Variants in CA10 observed in about 807,000 individuals in gnomAD.
CA10 encodes carbonic anhydrase-related protein 10.
A neutral mutation model predicts 44.2 loss-of-function variants in CA10; 14 were observed. The ratio of observed to expected loss-of-function variants is 0.32; its 90% CI spans 0.21 to 0.50. The LOEUF (loss-of-function observed/expected upper bound fraction) is 0.50, where lower values mean the gene tolerates loss of function less well. Among genes scored for constraint, CA10 ranks in the 20% least tolerant of loss-of-function variants. CA10 has a pLI of 0.99. For missense variants in CA10, 350 were observed against 409.7 expected (o/e 0.85, Z 1.26); for synonymous variants, 159 against 141.6 (o/e 1.12, Z -0.87).
At chr17:51,810,704 C>A (rs1285994932) in intron 3 of CA10, among the ~76,000 whole-genome samples, 1 of 152,104 alleles carries the variant, frequency 6.6e-6, no homozygotes, top group Admixed American at 6.6e-5. Flanking sequence ...TAAAAAAATT[C>A]AGCAGTATGG....
chr17:52,034,145 T>A (rs1241905143), intron 2 of CA10, among the ~76,000 whole-genome samples: 1 of 152,198 alleles, frequency 6.6e-6, no homozygotes, highest in Non-Finnish European at 1.5e-5. Flanking sequence ...CAGTATTGTA[T>A]TGTATACTTA....
intron 3 of CA10, among the ~76,000 whole-genome samples, chr17:51,859,438 T>G (rs894340544): frequency 1.3e-5 from 2 of 152,170 alleles, no homozygotes; most frequent in African/African-American, 4.8e-5. Flanking sequence ...TTCCCTCATA[T>G]TGGAATTACT....
chr17:51,869,380 TG>T, intron 3 of CA10, among the ~76,000 whole-genome samples: 1 of 152,186 alleles, frequency 6.6e-6, no homozygotes, highest in Non-Finnish European at 1.5e-5. Context: ...CACTTTGTGC[TG>T]GGGGCTGAGT....
At chr17:51,683,010 G>A (rs189416978) in intron 4 of CA10, among the ~76,000 whole-genome samples, 4 of 152,260 alleles carry the variant, frequency 2.6e-5, no homozygotes, top group African/African-American at 7.2e-5. Context: ...CTACTGTCTG[G>A]GGAAACATGA....
intron 3 of CA10, among the ~76,000 whole-genome samples, chr17:51,796,007 G>T (rs1321505448): frequency 6.6e-6 from 1 of 152,236 alleles, no homozygotes; most frequent in Non-Finnish European, 1.5e-5. Flanking sequence ...ATAGAACGGG[G>T]CTTGCAGTCT....
chr17:51,765,162 G>A (rs117476676), intron 3 of CA10, among the ~76,000 whole-genome samples: 2,301 of 152,200 alleles, frequency 0.015, 42 homozygotes, highest in Middle Eastern at 0.041. Flanking sequence ...GGGGAGAAGG[G>A]GTGGGAAGCA....
At chr17:51,691,239 A>C (rs192168003) in intron 4 of CA10, among the ~76,000 whole-genome samples, 22 of 152,028 alleles carry the variant, frequency 1.4e-4, no homozygotes, top group African/African-American at 5.3e-4. Flanking sequence ...ATTCTCCAAC[A>C]CTTGTTATGT....
At chr17:51,850,030 G>A (rs1487973170) in intron 3 of CA10, among the ~76,000 whole-genome samples, 1 of 152,212 alleles carries the variant, frequency 6.6e-6, no homozygotes, top group Non-Finnish European at 1.5e-5. Flanking sequence ...TACACATGCT[G>A]TAAGCAGGGA....
At chr17:51,743,414 T>C (rs1479643185) in intron 4 of CA10, among the ~76,000 whole-genome samples, 1 of 152,256 alleles carries the variant, frequency 6.6e-6, no homozygotes, top group East Asian at 1.9e-4. Context: ...AAACAGTTCA[T>C]TTTTCCTTCT....
intron 3 of CA10, among the ~76,000 whole-genome samples, chr17:51,893,171 T>G (rs1980932319): frequency 6.6e-6 from 1 of 152,068 alleles, no homozygotes; most frequent in Non-Finnish European, 1.5e-5. Context: ...ATATGTGATA[T>G]CCTAACGAAA....
At chr17:51,689,274 A>T (rs572518439) in intron 4 of CA10, among the ~76,000 whole-genome samples, 8 of 152,358 alleles carry the variant, frequency 5.3e-5, no homozygotes, top group Non-Finnish European at 1.0e-4. Flanking sequence ...AAAAATGGCC[A>T]TTTACAAATG....
chr17:51,897,446 C>G (rs891310264), intron 3 of CA10, among the ~76,000 whole-genome samples: 1 of 152,052 alleles, frequency 6.6e-6, no homozygotes, highest in African/African-American at 2.4e-5. Context: ...GTACTTGCAC[C>G]ATGCTGTTTT....
intron 4 of CA10, among the ~76,000 whole-genome samples, chr17:51,720,350 CA>C (rs1052813132): frequency 8.5e-5 from 13 of 152,066 alleles, no homozygotes; most frequent in African/African-American, 3.1e-4. Flanking sequence ...TCATAATGAA[CA>C]CTTTTAATCA....
chr17:52,037,229 C>T (rs1005356180), intron 2 of CA10, among the ~76,000 whole-genome samples: 1 of 151,930 alleles, frequency 6.6e-6, no homozygotes, highest in African/African-American at 2.4e-5. Context: ...GAAATATCAC[C>T]CTGCAATATT....
intron 3 of CA10, among the ~76,000 whole-genome samples, chr17:51,864,565 T>C (rs1979461157): frequency 6.6e-6 from 1 of 152,212 alleles, no homozygotes; most frequent in Non-Finnish European, 1.5e-5. Flanking sequence ...ACTTTGAATT[T>C]CTACTTAAAA....
In CA10 at chr17:51,690,594, G is replaced by A. The variant is rs993070230; in HGVS notation, c.466-36858C>T. ...ATGCTGTTCTTGTGATAGTGAATAA[G>A]TCTCATGAGATCTGATGGTTTTACA... is the stretch of plus-strand genomic sequence containing the variant. On this transcript the variant is annotated intron_variant, in intron 4 of 8. Coordinates refer to ENST00000451037, the MANE Select transcript of CA10 (RefSeq NM_020178.5). Among the ~76,000 whole-genome samples the A allele has an allele frequency of 2.6e-4, 40 of 152,256 alleles. 1 individual carries two copies. The highest frequency in any genetic ancestry group is 9.6e-4 in the African/African-American group (40 of 41,536).
chr17:51,958,549 G>T (rs1983754057), intron 2 of CA10, among the ~76,000 whole-genome samples: 1 of 152,094 alleles, frequency 6.6e-6, no homozygotes, highest in Admixed American at 6.6e-5. Context: ...ACTAGACAGG[G>T]AATATAAAAG....
At chr17:52,089,745 C>T (rs905554578) in intron 1 of CA10, among the ~76,000 whole-genome samples, 6 of 151,912 alleles carry the variant, frequency 3.9e-5, no homozygotes, top group South Asian at 4.2e-4. Flanking sequence ...TTATAATATA[C>T]ATATTTTAAA....
In CA10 at chr17:51,959,697, G is replaced by A. The variant is rs112644278; in HGVS notation, c.137-28565C>T. Among the ~76,000 whole-genome samples, 398 of 146,984 alleles carry A rather than the reference G, an allele frequency of 2.7e-3. 3 individuals are homozygous for A. Among genetic ancestry groups the A allele is most frequent in the African/African-American group, 9.6e-3 (385 of 40,206 alleles). On this transcript the variant is annotated intron_variant, in intron 2 of 8. Transcript: ENST00000451037. The stretch of plus-strand genomic sequence containing the variant: ...GAGCAGACAAACTAGCTCTACAAAG[G>A]AATTGAAAACTAAACTAACACAGAA...
Sources: allele counts gnomAD v4.1 joint callset (sites outside exome capture counted in the v4.1 genomes callset), GRCh38; gene constraint gnomAD v4.1.1; transcripts MANE v1.5; gene names NCBI Gene and HGNC (gene_info 2026-07-23, HGNC 2026-07-21).